The following ROBO2 variants were observed in gnomAD, a reference collection of about 807,000 sequenced individuals.
The protein encoded by ROBO2 is roundabout guidance receptor 2, also known as roundabout homolog 2.
ROBO2 carries 53 observed loss-of-function variants against 160.8 expected under a neutral mutation model. That is an observed-to-expected ratio of 0.33 (90% CI 0.26 to 0.41). ROBO2 has a LOEUF of 0.41. ROBO2 is among the 10% of genes least tolerant of loss of function. ROBO2 has a pLI of 1.00. For missense variants in ROBO2, 1,577 were observed against 1,722.4 expected (o/e 0.92, Z 1.49); for synonymous variants, 664 against 611.7 (o/e 1.09, Z -1.26).
At chr3:77,307,674 G>A (rs1433219250) in intron 2 of ROBO2, among the ~76,000 whole-genome samples, 1 of 152,160 alleles carries the variant, frequency 6.6e-6, no homozygotes, top group Non-Finnish European at 1.5e-5. Context: ...ATTGAGGTCA[G>A]GAGTTCAATA....
At chr3:77,325,001 A>G (rs1163840089) in intron 2 of ROBO2, among the ~76,000 whole-genome samples, 1 of 152,156 alleles carries the variant, frequency 6.6e-6, no homozygotes, top group Non-Finnish European at 1.5e-5. Context: ...TGTCAGAGTA[A>G]GTGCCAAGTG....
chr3:76,455,975 A>G (rs555669045), intron 2 of ROBO2, among the ~76,000 whole-genome samples: 2 of 152,196 alleles, frequency 1.3e-5, no homozygotes, highest in Non-Finnish European at 2.9e-5. Flanking sequence ...GCTTGACTCT[A>G]TGAATACACA....
intron 2 of ROBO2, among the ~76,000 whole-genome samples, chr3:76,470,026 A>C (rs1344776013): frequency 6.6e-6 from 1 of 152,124 alleles, no homozygotes; most frequent in South Asian, 2.1e-4. Flanking sequence ...CCCTCTACAC[A>C]CAGGTCCTGT....
intron 2 of ROBO2, among the ~76,000 whole-genome samples, chr3:77,352,877 C>T (rs558918208): frequency 1.3e-5 from 2 of 152,094 alleles, no homozygotes; most frequent in Non-Finnish European, 2.9e-5. Context: ...ATGCAGATGG[C>T]GAGTATTTCT....
chr3:77,554,504 T>C (rs556416316), intron 8 of ROBO2, among the ~76,000 whole-genome samples: 1 of 152,138 alleles, frequency 6.6e-6, no homozygotes, highest in African/African-American at 2.4e-5. Context: ...ATTAAAAACC[T>C]TCTGGAAAGG....
chr3:77,491,012 G>A (rs1227885494), intron 4 of ROBO2, among the ~76,000 whole-genome samples: 1 of 152,188 alleles, frequency 6.6e-6, no homozygotes, highest in Non-Finnish European at 1.5e-5. Flanking sequence ...CTTGCTTAAA[G>A]TCCTTCAATA....
At chr3:77,088,380 CTATT>C (rs1293952980) in intron 1 of ROBO2, among the ~76,000 whole-genome samples, 1 of 152,044 alleles carries the variant, frequency 6.6e-6, no homozygotes, top group African/African-American at 2.4e-5. Flanking sequence ...AATTACATAT[CTATT>C]TATTTGTTAC....
chr3:77,570,611 A>G (rs1159235937), intron 13 of ROBO2, among the ~76,000 whole-genome samples: 1 of 152,066 alleles, frequency 6.6e-6, no homozygotes, highest in African/African-American at 2.4e-5. Flanking sequence ...GTAGTTGCAC[A>G]TGACATAAGT....
chr3:77,377,965 C>T (rs185790831), intron 2 of ROBO2, among the ~76,000 whole-genome samples: 1 of 152,252 alleles, frequency 6.6e-6, no homozygotes, highest in Non-Finnish European at 1.5e-5. Flanking sequence ...TTTCTCTGTT[C>T]TGACTCTCTG....
At chr3:76,612,621 G>A (rs2088222055) in intron 2 of ROBO2, among the ~76,000 whole-genome samples, 1 of 152,106 alleles carries the variant, frequency 6.6e-6, no homozygotes, top group Non-Finnish European at 1.5e-5. Context: ...TAGATAATGG[G>A]TTGATAGGTG....
At chr3:76,899,257 C>T (rs561840993) in intron 2 of ROBO2, among the ~76,000 whole-genome samples, 1 of 151,698 alleles carries the variant, frequency 6.6e-6, no homozygotes, top group South Asian at 2.1e-4. Context: ...TCTAAGAGAA[C>T]AAAAAGAATT....
At chr3:76,679,153 T>C (rs796748442) in intron 2 of ROBO2, among the ~76,000 whole-genome samples, 16 of 152,316 alleles carry the variant, frequency 1.1e-4, no homozygotes, top group African/African-American at 3.8e-4. Context: ...ATAATACTTT[T>C]AGCTTAATTT....
chr3:77,282,959 TTAA>T (rs779670561), intron 2 of ROBO2, among the ~76,000 whole-genome samples: 20 of 148,826 alleles, frequency 1.3e-4, no homozygotes, highest in Admixed American at 3.3e-4. Context: ...GCTTCTGCTT[TTAA>T]AAAAAAAAAA....
At chr3:77,253,253 T>C (rs1482806029) in intron 2 of ROBO2, among the ~76,000 whole-genome samples, 1 of 152,148 alleles carries the variant, frequency 6.6e-6, no homozygotes, top group African/African-American at 2.4e-5. Context: ...TAAGAGACTT[T>C]TAAAAAATGG....
At chr3:76,593,720 G>T (rs528648965) in intron 2 of ROBO2, among the ~76,000 whole-genome samples, 1 of 151,938 alleles carries the variant, frequency 6.6e-6, no homozygotes, top group Admixed American at 6.6e-5. Context: ...AAGTAAACAT[G>T]AATTAGAGAA....
At chr3:76,194,644 G>A (rs532288514) in intron 2 of ROBO2, among the ~76,000 whole-genome samples, 9 of 149,006 alleles carry the variant, frequency 6.0e-5, no homozygotes, top group South Asian at 2.1e-4. Flanking sequence ...TTTTTTAGAC[G>A]GAGTCTCGCT....
At position 77,312,073 on chromosome 3, in the gene ROBO2, G is replaced by A. The variant is rs983930044; in HGVS notation, c.389-165341G>A. Among the ~76,000 whole-genome samples, 23 of 151,900 alleles carry A rather than the reference G, an allele frequency of 1.5e-4. 1 individual carries two copies. Among genetic ancestry groups the A allele is most frequent in the South Asian group, 1.2e-3 (6 of 4,804 alleles). On this transcript the variant is annotated intron_variant, in intron 2 of 25. Coordinates refer to ENST00000461745, the Ensembl canonical transcript of ROBO2. ...TGCACTCCAGCCTCGGCGACACAGC[G>A]AGATTACATCTCAAAAAAGAAAAAA...
intron 2 of ROBO2, among the ~76,000 whole-genome samples, chr3:77,163,565 C>T (rs2078681531): frequency 6.6e-6 from 1 of 152,184 alleles, no homozygotes; most frequent in Admixed American, 6.5e-5. Flanking sequence ...ATTTAGAGTC[C>T]TCCTGCTCTT....
chr3:77,120,875 G>C (rs751870817), intron 2 of ROBO2, among the ~76,000 whole-genome samples: 28 of 152,098 alleles, frequency 1.8e-4, no homozygotes, highest in Non-Finnish European at 3.2e-4. Flanking sequence ...CTTACCCTTA[G>C]AAACCCAAAA....
Sources: gnomAD v4.1 joint callset for allele counts (sites outside exome capture counted in the v4.1 genomes callset) on GRCh38, gnomAD v4.1.1 for gene constraint, MANE v1.5 for transcripts, NCBI Gene and HGNC (gene_info 2026-07-23, HGNC 2026-07-21) for gene names.